Variants in GRM5 observed in about 807,000 individuals in gnomAD.
The protein encoded by GRM5 is metabotropic glutamate receptor 5.
A neutral mutation model predicts 83.1 loss-of-function variants in GRM5; 19 were observed. The observed-to-expected ratio is 0.23, with a 90% CI of 0.16 to 0.34. The LOEUF (loss-of-function observed/expected upper bound fraction) is 0.34. Among genes scored for constraint, GRM5 ranks in the 10% least tolerant of loss-of-function variants. GRM5 has a pLI of 1.00. For synonymous variants in GRM5, 675 were observed against 633.6 expected (o/e 1.07, Z -0.98); for missense variants, 1,160 against 1,588.3 (o/e 0.73, Z 4.58).
At chr11:88,724,881 T>A (rs6416017) in intron 3 of GRM5, among the ~76,000 whole-genome samples, 1 of 152,014 alleles carries the variant, frequency 6.6e-6, no homozygotes, top group African/African-American at 2.4e-5. Context: ...CCAGATACTA[T>A]GCTTTTGACA....
intron 8 of GRM5, among the ~76,000 whole-genome samples, chr11:88,543,140 G>T (rs965473019): frequency 6.6e-6 from 1 of 152,198 alleles, no homozygotes; most frequent in Non-Finnish European, 1.5e-5. Context: ...GGAAAATGCC[G>T]TGGTGTAATT....
chr11:88,741,017 T>C (rs1399309381), intron 3 of GRM5, among the ~76,000 whole-genome samples: 2 of 152,094 alleles, frequency 1.3e-5, no homozygotes, highest in Admixed American at 6.6e-5. Flanking sequence ...GATTGTATAC[T>C]ATGTGTTCAG....
chr11:88,983,243 T>C (rs1939585325), intron 2 of GRM5, among the ~76,000 whole-genome samples: 2 of 152,202 alleles, frequency 1.3e-5, no homozygotes, highest in South Asian at 4.1e-4. Context: ...TTTTTCTTCC[T>C]CATAGCAATT....
intron 4 of GRM5, among the ~76,000 whole-genome samples, chr11:88,619,061 T>C (rs1390068626): frequency 6.6e-6 from 1 of 152,240 alleles, no homozygotes; most frequent in Non-Finnish European, 1.5e-5. Flanking sequence ...TTTCATATTG[T>C]TTAAACAAAT....
intron 3 of GRM5, among the ~76,000 whole-genome samples, chr11:88,714,484 A>G (rs1941356413): frequency 6.6e-6 from 1 of 152,066 alleles, no homozygotes; most frequent in Admixed American, 6.6e-5. Context: ...CATTGTTAAA[A>G]AAGTGATGGA....
At chr11:88,566,373 T>C (rs951409167) in intron 8 of GRM5, among the ~76,000 whole-genome samples, 5 of 152,212 alleles carry the variant, frequency 3.3e-5, no homozygotes, top group Admixed American at 3.3e-4. Context: ...AATGGTCGAA[T>C]AACTACTACC....
intron 3 of GRM5, among the ~76,000 whole-genome samples, chr11:88,741,220 T>G (rs941678848): frequency 2.0e-5 from 3 of 152,060 alleles, no homozygotes; most frequent in African/African-American, 7.2e-5. Context: ...TGGAATACCA[T>G]GAAGATAATC....
At chr11:88,792,797 T>A (rs948481330) in intron 3 of GRM5, among the ~76,000 whole-genome samples, 5 of 152,148 alleles carry the variant, frequency 3.3e-5, no homozygotes, top group African/African-American at 9.7e-5. Flanking sequence ...AGTGTTTTTT[T>A]AATGAAATTA....
intron 7 of GRM5, among the ~76,000 whole-genome samples, chr11:88,583,196 C>A (rs980028534): frequency 2.0e-5 from 3 of 152,030 alleles, no homozygotes; most frequent in African/African-American, 7.2e-5. Context: ...GAGAGCAATT[C>A]CAATGCGGGA....
chr11:88,884,841 C>T (rs879623213), intron 2 of GRM5, among the ~76,000 whole-genome samples: 24 of 152,230 alleles, frequency 1.6e-4, no homozygotes, highest in South Asian at 2.1e-4. Flanking sequence ...CTCTGCTTTC[C>T]GCCATGATTC....
chr11:88,983,131 T>C (rs113630171), intron 2 of GRM5, among the ~76,000 whole-genome samples: 3,944 of 152,308 alleles, frequency 0.026, 94 homozygotes, highest in East Asian at 0.1. Flanking sequence ...TCAATGTTTC[T>C]TTGGTCAGGT....
intron 9 of GRM5, among the ~76,000 whole-genome samples, chr11:88,517,857 G>A (rs1243034816): frequency 6.6e-6 from 1 of 151,946 alleles, no homozygotes; most frequent in Non-Finnish European, 1.5e-5. Context: ...CATATATATT[G>A]TATATAACTA....
chr11:88,834,661 T>C (rs1483763932), intron 3 of GRM5, among the ~76,000 whole-genome samples: 1 of 152,226 alleles, frequency 6.6e-6, no homozygotes, highest in Non-Finnish European at 1.5e-5. Flanking sequence ...TAATTTGACT[T>C]TTCCTAATCC....
intron 2 of GRM5, among the ~76,000 whole-genome samples, chr11:89,025,350 C>G (rs1343546039): frequency 3.3e-5 from 5 of 151,924 alleles, no homozygotes; most frequent in African/African-American, 4.8e-5. Context: ...CAAGAGACAA[C>G]ATGGAAAGGT....
chr11:88,540,046 C>G (rs78708343), intron 8 of GRM5, among the ~76,000 whole-genome samples: 1,560 of 152,290 alleles, frequency 0.01, 14 homozygotes, highest in Middle Eastern at 0.031. Context: ...AGCAACTCAA[C>G]AAGTGAAATG....
intron 2 of GRM5, among the ~76,000 whole-genome samples, chr11:89,014,493 G>A (rs1332496742): frequency 6.6e-6 from 1 of 152,078 alleles, no homozygotes; most frequent in Non-Finnish European, 1.5e-5. Flanking sequence ...TGTACATAGA[G>A]AGTAGAAAAA....
At chr11:88,734,994 T>A (rs1033622972) in intron 3 of GRM5, among the ~76,000 whole-genome samples, 1 of 152,034 alleles carries the variant, frequency 6.6e-6, no homozygotes, top group African/African-American at 2.4e-5. Context: ...AGTTCTCTAA[T>A]CTACTCATAA....
At chr11:88,583,748 T>A (rs1943259088) in intron 7 of GRM5, among the ~76,000 whole-genome samples, 1 of 152,226 alleles carries the variant, frequency 6.6e-6, no homozygotes, top group East Asian at 1.9e-4. Flanking sequence ...TTTGCAGATA[T>A]GTGGCAGGGA....
chr11:88,844,986 G>T (rs1944272489), intron 3 of GRM5, among the ~76,000 whole-genome samples: 3 of 152,184 alleles, frequency 2.0e-5, no homozygotes, highest in Admixed American at 2.0e-4. Flanking sequence ...AAGCATTGTT[G>T]AAATGACAAC....
Sources: allele counts gnomAD v4.1 joint callset (sites outside exome capture counted in the v4.1 genomes callset), GRCh38; gene constraint gnomAD v4.1.1; transcripts MANE v1.5; gene names NCBI Gene and HGNC (gene_info 2026-07-23, HGNC 2026-07-21).